The following TANC2 variants were observed in gnomAD, a reference collection of about 807,000 sequenced individuals.
TANC2 encodes tetratricopeptide repeat, ankyrin repeat and coiled-coil containing 2, also known as protein TANC2.
TANC2 carries 26 observed loss-of-function variants against 210.5 expected under a neutral mutation model. The observed-to-expected ratio is 0.12, with a 90% CI of 0.09 to 0.17. The LOEUF (loss-of-function observed/expected upper bound fraction) is 0.17. Ranked by LOEUF, TANC2 falls within the 10% of genes least tolerant of loss-of-function variation. The pLI, the probability that TANC2 is intolerant of heterozygous loss-of-function variation, is 1.00. For synonymous variants in TANC2, 931 were observed against 967.1 expected (o/e 0.96, Z 0.69); for missense variants, 2,129 against 2,608.9 (o/e 0.82, Z 4.01).
rs148439030 is a variant in TANC2 at position 63,302,833 on chromosome 17, A to G, written c.1160-11555A>G. On this transcript the variant is annotated intron_variant, in intron 9 of 27. Transcript: ENST00000689528. Reference sequence around the variant, plus strand: ...GGGTGGAGTGCAGTGACATGATCTCAGCTCACTGCAACCTCTAACTCCCAG... The same window carrying G: ...GGGTGGAGTGCAGTGACATGATCTCGGCTCACTGCAACCTCTAACTCCCAG... Among the ~76,000 whole-genome samples the G allele has an allele frequency of 8.3e-3, 1,261 of 151,766 alleles. 15 individuals carry two copies. Among genetic ancestry groups the G allele is most frequent in the African/African-American group, 0.028 (1,152 of 41,364 alleles).
intron 3 of TANC2, among the ~76,000 whole-genome samples, chr17:63,076,164 C>A (rs1314498282): frequency 2.0e-5 from 3 of 152,066 alleles, no homozygotes; most frequent in Non-Finnish European, 4.4e-5. Context: ...TCCCCAAAAC[C>A]ACCTAACCAG....
chr17:63,227,142 A>G (rs1161767601), intron 7 of TANC2, among the ~76,000 whole-genome samples: 5 of 152,158 alleles, frequency 3.3e-5, no homozygotes, highest in South Asian at 2.1e-4. Context: ...TGGGCCAAAT[A>G]GTATTTCCAG....
intron 7 of TANC2, among the ~76,000 whole-genome samples, chr17:63,222,103 T>C (rs747711241): frequency 6.6e-6 from 1 of 152,212 alleles, no homozygotes; most frequent in Non-Finnish European, 1.5e-5. Context: ...AGATTCAGTG[T>C]CTGGTGAAGG....
chr17:63,271,615 C>T (rs756935288), intron 9 of TANC2, among the ~76,000 whole-genome samples: 3 of 151,456 alleles, frequency 2.0e-5, no homozygotes, highest in Non-Finnish European at 2.9e-5. Flanking sequence ...CTTGCCCCCC[C>T]CATCCCCCAA....
chr17:63,376,885 T>C (rs1284253546), intron 14 of TANC2, among the ~76,000 whole-genome samples: 2 of 146,874 alleles, frequency 1.4e-5, no homozygotes, highest in Admixed American at 6.9e-5. Flanking sequence ...TGGCACAATC[T>C]CAGCTCACTG....
intron 9 of TANC2, among the ~76,000 whole-genome samples, chr17:63,297,615 A>G (rs753513691): frequency 2.6e-5 from 4 of 152,178 alleles, no homozygotes; most frequent in Non-Finnish European, 5.9e-5. Context: ...TTAGAAAAAG[A>G]GTACAGGAAA....
chr17:63,116,224 G>T (rs1378708454), intron 4 of TANC2, among the ~76,000 whole-genome samples: 1 of 152,144 alleles, frequency 6.6e-6, no homozygotes, highest in African/African-American at 2.4e-5. Context: ...TAGCATCAGT[G>T]ACCCATGCTT....
At chr17:63,209,316 CTTTT>C (rs985091913) in intron 7 of TANC2, among the ~76,000 whole-genome samples, 1 of 146,186 alleles carries the variant, frequency 6.8e-6, no homozygotes, top group African/African-American at 2.5e-5. Flanking sequence ...CCCGGCCACA[CTTTT>C]TTTTTTTCCT....
chr17:63,303,324 A>T (rs1365565403), intron 9 of TANC2, among the ~76,000 whole-genome samples: 1 of 152,080 alleles, frequency 6.6e-6, no homozygotes, highest in South Asian at 2.1e-4. Flanking sequence ...GCATTTGCTT[A>T]TCTGGAAAGG....
chr17:63,267,966 C>T (rs2146270738), intron 9 of TANC2, 93 bp downstream of exon 9: 2 of 1,377,634 alleles, frequency 1.5e-6, no homozygotes, highest in Non-Finnish European at 1.9e-6. Flanking sequence ...CCCATACTTA[C>T]TTAAACCTCC....
chr17:63,414,629 A>T (rs2048804304), intron 25 of TANC2, among the ~76,000 whole-genome samples: 1 of 152,174 alleles, frequency 6.6e-6, no homozygotes, highest in South Asian at 2.1e-4. Context: ...CAGTGCCATT[A>T]TTGTTCCCCT....
At position 63,389,564 on chromosome 17, in the gene TANC2, G is replaced by A; in HGVS notation, c.3051+20G>A. ...GCCAAGGTACTGGCTGCCCAGCTCT[G>A]CTGCTTTTCTTCCCTTTTTCTTTAT... On this transcript the variant is annotated intron_variant, in intron 17 of 27. Transcript: ENST00000689528. The A allele has an allele frequency of 6.3e-7, 1 of 1,580,544 alleles. No homozygotes were observed. The highest frequency in any genetic ancestry group is 8.6e-7 in the Non-Finnish European group (1 of 1,161,494).
At chr17:63,271,284 C>T (rs759659944) in intron 9 of TANC2, among the ~76,000 whole-genome samples, 6 of 152,090 alleles carry the variant, frequency 3.9e-5, no homozygotes, top group Non-Finnish European at 7.4e-5. Context: ...CTCCCACCAA[C>T]TGTGTATAAG....
At chr17:63,369,482 G>A (rs1361463053) in intron 14 of TANC2, among the ~76,000 whole-genome samples, 2 of 152,028 alleles carry the variant, frequency 1.3e-5, no homozygotes, top group African/African-American at 2.4e-5. Flanking sequence ...CGGGACACAA[G>A]GACTCCTCTT....
intron 4 of TANC2, among the ~76,000 whole-genome samples, chr17:63,137,208 T>C (rs1418541117): frequency 1.3e-5 from 2 of 152,148 alleles, no homozygotes; most frequent in African/African-American, 2.4e-5. Context: ...AGTAAAAAAT[T>C]ACTCCATACC....
chr17:63,157,242 T>G (rs1029529373), intron 5 of TANC2, among the ~76,000 whole-genome samples: 5 of 152,146 alleles, frequency 3.3e-5, no homozygotes, highest in African/African-American at 9.7e-5. Context: ...TGAGGTTGCT[T>G]CTTTAGTTCA....
At chr17:63,095,660 G>C (rs1194753511) in intron 3 of TANC2, among the ~76,000 whole-genome samples, 2 of 151,980 alleles carry the variant, frequency 1.3e-5, no homozygotes, top group Non-Finnish European at 2.9e-5. Context: ...GCCCAACCTA[G>C]ATCAGCTGAC....
chr17:63,264,855 A>G (rs773963105), intron 8 of TANC2, among the ~76,000 whole-genome samples: 33 of 152,166 alleles, frequency 2.2e-4, no homozygotes, highest in Non-Finnish European at 3.4e-4. Context: ...GCTACTTGGG[A>G]GTCTGAAGTG....
intron 5 of TANC2, among the ~76,000 whole-genome samples, chr17:63,176,287 A>C (rs1434135195): frequency 6.6e-6 from 1 of 152,248 alleles, no homozygotes; most frequent in South Asian, 2.1e-4. Flanking sequence ...AACTGGAAAC[A>C]ATACAATGTT....
Sources: allele counts gnomAD v4.1 joint callset (sites outside exome capture counted in the v4.1 genomes callset), GRCh38; gene constraint gnomAD v4.1.1; transcripts MANE v1.5; gene names NCBI Gene and HGNC (gene_info 2026-07-23, HGNC 2026-07-21).